Variants in GIGYF2 observed in about 807,000 individuals in gnomAD.
The protein encoded by GIGYF2 is GRB10 interacting GYF protein 2.
A neutral mutation model predicts 208.1 loss-of-function variants in GIGYF2; 25 were observed. That is an observed-to-expected ratio of 0.12 (90% confidence interval 0.09 to 0.17). The LOEUF is 0.17. Among genes scored for constraint, GIGYF2 ranks in the 10% least tolerant of loss-of-function variants. GIGYF2 has a pLI of 1.00. For missense variants in GIGYF2, 1,302 were observed against 1,579.4 expected, an observed-to-expected ratio of 0.82 and a Z score of 2.98; for synonymous variants, 534 against 543.8, an observed-to-expected ratio of 0.98 and a Z score of 0.25.
At chr2:232,830,550 A>G (rs1186043772) in intron 21 of GIGYF2, among the ~76,000 whole-genome samples, 1 of 152,192 alleles carries the variant, frequency 6.6e-6, no homozygotes, top group Non-Finnish European at 1.5e-5. Context: ...CCTGCTGTTA[A>G]TATCTTACAT....
At chr2:232,846,321 A>C (rs1432972503) in intron 26 of GIGYF2, among the ~76,000 whole-genome samples, 2 of 152,240 alleles carry the variant, frequency 1.3e-5, no homozygotes, top group Non-Finnish European at 2.9e-5. Flanking sequence ...TAAAGCAAGT[A>C]CACTTATTTT....
intron 8 of GIGYF2, chr2:232,768,695 G>GTT: frequency 2.5e-6 from 4 of 1,606,088 alleles, no homozygotes; most frequent in Non-Finnish European, 3.4e-6. Flanking sequence ...TAGGTCGGGT[G>GTT]TTGGCCACTT....
chr2:232,747,483 CTGATACTT>C, intron 3 of GIGYF2, 124 bp from the exon 4 acceptor site: 24 of 962,794 alleles, frequency 2.5e-5, no homozygotes, highest in Non-Finnish European at 3.9e-5. Context: ...AAGCTAAAGT[CTGATACTT>C]TGAGATAGTA....
At chr2:232,730,017 G>T (rs1410444020) in intron 2 of GIGYF2, 5 of 791,002 alleles carry the variant, frequency 6.3e-6, no homozygotes, top group African/African-American at 5.1e-5. Context: ...TTTTTCGTAA[G>T]ACTTGATGTG....
intron 14 of GIGYF2, among the ~76,000 whole-genome samples, chr2:232,797,427 TA>T (rs1456428528): frequency 6.6e-6 from 1 of 152,036 alleles, no homozygotes; most frequent in Non-Finnish European, 1.5e-5. Context: ...CATTTATTAC[TA>T]CCTGGCATTT....
chr2:232,818,583 T>C (rs1385828307), intron 20 of GIGYF2, among the ~76,000 whole-genome samples: 1 of 152,170 alleles, frequency 6.6e-6, no homozygotes, highest in African/African-American at 2.4e-5. Flanking sequence ...ATCAATTGAG[T>C]ATAAATGTGT....
chr2:232,857,729 C>G lies in GIGYF2; in HGVS notation c.*869C>G, dbSNP rs1335525242. 6.6e-6 allele frequency: 1 copy of G among 152,506 alleles called. No homozygotes were observed. The highest frequency in any genetic ancestry group is 2.4e-5 in the African/African-American group (1 of 41,400). The allele number at this position is 152,506 out of a possible 1,614,324, so 9.4% of individuals were successfully genotyped here. ...TTGGGCCCTTCTGCTGAAAATTTGT[C>G]TCGTTTAAGAGGCAGCTAGAATCTT... is the stretch of plus-strand genomic sequence containing the variant. On this transcript the variant is annotated 3_prime_UTR_variant, in exon 29 of 29. Transcript: ENST00000373563.
chr2:232,811,187 A>T lies in GIGYF2; in HGVS notation c.1899-57A>T, dbSNP rs1468864720. The T allele has an allele frequency of 3.4e-6, 3 of 895,032 alleles. No individual in the cohort carries two copies. In the East Asian group the frequency reaches 7.2e-5, roughly 22 times the overall value. The allele number at this position is 895,032 out of a possible 1,614,324, so 55.4% of individuals were successfully genotyped here. ...ATTGAACTTTGTCTTTCAGCATCTC[A>T]GCCATGTGAACTAAGTGTGGATTGA... On this transcript the variant is annotated intron_variant, in intron 16 of 28. Transcript: ENST00000373563.
intron 7 of GIGYF2, 145 bp downstream of exon 7, chr2:232,760,736 T>C: frequency 1.6e-6 from 1 of 619,908 alleles, no homozygotes; most frequent in Non-Finnish European, 2.9e-6. Flanking sequence ...AGTTGTACAT[T>C]AGAAATTTTT....
At chr2:232,782,461 A>T (rs1699751033) in intron 8 of GIGYF2, among the ~76,000 whole-genome samples, 1 of 152,222 alleles carries the variant, frequency 6.6e-6, no homozygotes, top group Non-Finnish European at 1.5e-5. Flanking sequence ...CCCAACAGAA[A>T]TGCAAACATA....
intron 8 of GIGYF2, among the ~76,000 whole-genome samples, chr2:232,778,382 A>G (rs1699601888): frequency 6.6e-6 from 1 of 152,254 alleles, no homozygotes; most frequent in Admixed American, 6.5e-5. Flanking sequence ...TCTTAAGTGA[A>G]GCTAATTTCT....
intron 14 of GIGYF2, among the ~76,000 whole-genome samples, chr2:232,802,747 T>C (rs2106376274): frequency 6.6e-6 from 1 of 152,262 alleles, no homozygotes; most frequent in East Asian, 1.9e-4. Context: ...TAATTTTGGC[T>C]TCATAGAATT....
intron 2 of GIGYF2, among the ~76,000 whole-genome samples, chr2:232,710,730 C>T (rs1378725047): frequency 1.5e-5 from 2 of 131,544 alleles, no homozygotes; most frequent in Non-Finnish European, 3.1e-5. Flanking sequence ...TGGAATTTCG[C>T]TCTTGTTTCC....
intron 3 of GIGYF2, chr2:232,735,836 CT>C (rs560971684): frequency 1.8e-5 from 18 of 985,226 alleles, no homozygotes; most frequent in South Asian, 9.4e-5. Context: ...GCTTCCCCCC[CT>C]CCCCTCCTTC....
At chr2:232,837,031 G>A (rs1324875240) in intron 22 of GIGYF2, among the ~76,000 whole-genome samples, 1 of 152,182 alleles carries the variant, frequency 6.6e-6, no homozygotes, top group Non-Finnish European at 1.5e-5. Flanking sequence ...AGGTATTCTT[G>A]GCTTGCCTCT....
In GIGYF2 at chr2:232,836,338, AT is replaced by A. The variant is rs1559160801; in HGVS notation, c.2766+3246del. On this transcript the variant is annotated intron_variant, in intron 22 of 28. Transcript: ENST00000373563. ...TATATATATATATATATACATATAT[AT>A]ACTTATATATTTATATATATAAATA... is the stretch of plus-strand genomic sequence containing the variant. Among the ~76,000 whole-genome samples the A allele has an allele frequency of 4.4e-4, 24 of 54,292 alleles. 3 individuals carry two copies. Among genetic ancestry groups the A allele is most frequent in the African/African-American group, 9.1e-4 (13 of 14,212 alleles). 35.6% of individuals were successfully genotyped at this position (54,292 alleles called of 152,430 possible).
chr2:232,735,739 A>G, intron 3 of GIGYF2: 1 of 985,978 alleles, frequency 1.0e-6, no homozygotes, highest in Non-Finnish European at 1.2e-6. Flanking sequence ...AATAACGATT[A>G]ATTGACCTTT....
chr2:232,749,331 A>G (rs1227386950), intron 5 of GIGYF2, among the ~76,000 whole-genome samples: 1 of 152,160 alleles, frequency 6.6e-6, no homozygotes, highest in African/African-American at 2.4e-5. Flanking sequence ...AACTTACTCA[A>G]GTAGAGAGGA....
intron 8 of GIGYF2, chr2:232,768,608 C>T: frequency 1.2e-6 from 2 of 1,614,062 alleles, no homozygotes; most frequent in Non-Finnish European, 1.7e-6. Context: ...GGTGGAAATC[C>T]ACACTGGTCT....
Sources: gnomAD v4.1 joint callset for allele counts (sites outside exome capture counted in the v4.1 genomes callset) on GRCh38, gnomAD v4.1.1 for gene constraint, MANE v1.5 for transcripts, NCBI Gene and HGNC (gene_info 2026-07-23, HGNC 2026-07-21) for gene names.